Variants in KCMF1 observed in about 807,000 individuals in gnomAD.
KCMF1 encodes potassium channel modulatory factor 1, also known as E3 ubiquitin-protein ligase KCMF1.
Under a neutral mutation model 41.1 loss-of-function variants are expected in KCMF1, and 3 were observed. That is an observed-to-expected ratio of 0.07 (90% CI 0.03 to 0.19). The LOEUF is 0.19. KCMF1 is among the 10% of genes least tolerant of loss of function. KCMF1 has a pLI of 1.00. For synonymous variants in KCMF1, 142 were observed against 164.5 expected, an observed-to-expected ratio of 0.86 and a Z score of 1.04; for missense variants, 286 against 488.9, an observed-to-expected ratio of 0.58 and a Z score of 3.91.
At chr2:85,008,123 C>A (rs772671970) in intron 1 of KCMF1, among the ~76,000 whole-genome samples, 1 of 150,818 alleles carries the variant, frequency 6.6e-6, no homozygotes, top group Non-Finnish European at 1.5e-5. Flanking sequence ...AACCTCTGTT[C>A]CTAGAGGAAT....
intron 1 of KCMF1, among the ~76,000 whole-genome samples, chr2:85,015,103 G>A (rs1318437241): frequency 2.1e-5 from 3 of 143,308 alleles, no homozygotes; most frequent in African/African-American, 5.2e-5. Context: ...GCAGTGAGCC[G>A]AGATCGCGCC....
intron 2 of KCMF1, among the ~76,000 whole-genome samples, chr2:85,028,824 C>G (rs148184677): frequency 6.6e-6 from 1 of 152,164 alleles, no homozygotes; most frequent in East Asian, 1.9e-4. Flanking sequence ...GTCTGTTCAT[C>G]TTAATCATAG....
At position 85,055,474 on chromosome 2, in the gene KCMF1, G is replaced by A. The variant is rs1675904733; in HGVS notation, c.*2065G>A. The A allele has an allele frequency of 6.6e-6, 1 of 152,074 alleles. No individual in the cohort carries two copies. The highest frequency in any genetic ancestry group is 2.1e-4 in the South Asian group (1 of 4,832). 9.4% of individuals were successfully genotyped at this position (152,074 alleles called of 1,614,324 possible). A position where few individuals can be genotyped will look rare whatever the true frequency, so the allele number is the denominator to read the frequency against. ...CTTCATTTTTTAACATGGTTTTAGG[G>A]AACAACTGTAAGTCCATTCAGAGCA... is the stretch of plus-strand genomic sequence containing the variant. On this transcript the variant is annotated 3_prime_UTR_variant, in exon 7 of 7. Transcript: ENST00000409785.
In KCMF1 at chr2:85,046,191, C is replaced by T. The variant is rs1439554274; in HGVS notation, c.514C>T (p.His172Tyr). Residue 172 changes from histidine (H) to tyrosine (Y), a missense_variant, in exon 5 of 7, where the codon CAC becomes TAC. Physicochemically the swap from His to Tyr is moderately conservative, Grantham distance 83. Coordinates refer to ENST00000409785, the MANE Select transcript of KCMF1 (RefSeq NM_020122.5). ...TCCTCGTGCTCGTAGATCAAACATG[C>T]ACTTTACTAGCAGTTCTACTGGTGG... The part of the protein sequence containing the change: ...GGPRARRSNM[H>Y]FTSSSTGGLS... The T allele has an allele frequency of 2.5e-6, 4 of 1,613,118 alleles. No homozygotes were observed. In the South Asian group the frequency reaches 4.4e-5, roughly 18 times the overall value.
chr2:85,040,359 A>G (rs1675499003), intron 3 of KCMF1, among the ~76,000 whole-genome samples: 2 of 152,160 alleles, frequency 1.3e-5, no homozygotes. Context: ...CTGTCCTGTA[A>G]GAGATATTAG....
At chr2:85,040,698 A>G (rs879329299) in intron 3 of KCMF1, among the ~76,000 whole-genome samples, 1 of 151,578 alleles carries the variant, frequency 6.6e-6, no homozygotes, top group Non-Finnish European at 1.5e-5. Flanking sequence ...AGTTAACTTC[A>G]TGTGACCCAA....
At chr2:85,039,219 C>G (rs1472783188) in intron 3 of KCMF1, among the ~76,000 whole-genome samples, 2 of 152,166 alleles carry the variant, frequency 1.3e-5, no homozygotes, top group African/African-American at 4.8e-5. Context: ...AGAACTTTAA[C>G]TTTACCAACT....
intron 1 of KCMF1, among the ~76,000 whole-genome samples, chr2:84,988,745 C>T (rs1673964329): frequency 6.6e-6 from 1 of 152,212 alleles, no homozygotes; most frequent in Non-Finnish European, 1.5e-5. Flanking sequence ...TTTAATCAAA[C>T]TCTATCACAG....
At chr2:84,995,008 C>T (rs964985479) in intron 1 of KCMF1, among the ~76,000 whole-genome samples, 76 of 151,608 alleles carry the variant, frequency 5.0e-4, no homozygotes, top group African/African-American at 1.8e-3. Flanking sequence ...GAGCCTTTTT[C>T]GAAATTTAAA....
At chr2:84,982,384 A>ATTTTTTT (rs1673783250) in intron 1 of KCMF1, among the ~76,000 whole-genome samples, 1 of 35,878 alleles carries the variant, frequency 2.8e-5, no homozygotes, top group African/African-American at 1.1e-4. Context: ...TGTGTTCCTT[A>ATTTTTTT]TTTTCTTTTT....
At chr2:85,013,784 C>T (rs867997938) in intron 1 of KCMF1, among the ~76,000 whole-genome samples, 12 of 142,816 alleles carry the variant, frequency 8.4e-5, no homozygotes, top group African/African-American at 3.2e-4. Flanking sequence ...GGCGACAGAG[C>T]GAGACTCTGT....
At position 85,028,055 on chromosome 2, in the gene KCMF1, T is replaced by C. The variant is rs769569674; in HGVS notation, c.183T>C (p.Phe61=). 2.6e-6 allele frequency: 4 copies of C among 1,562,160 alleles called. No individual in the cohort carries two copies. Among genetic ancestry groups the C allele is most frequent in the Non-Finnish European group, 3.5e-6 (4 of 1,155,432 alleles). ...PMQCILTRVD[F]DLYYGGEAFS... ...AGTGCATATTAACAAGGGTAGATTT[T>C]GGTAAGTAATTAAAAATTTAATGAA... The change falls in exon 2 of 7, where the codon TTT becomes TTC. Residue 61 remains phenylalanine, a splice_region_variant and synonymous_variant. Transcript: ENST00000409785.
chr2:85,053,085 A>G, intron 6 of KCMF1, 63 bp from the exon 7 acceptor site: 1 of 1,459,804 alleles, frequency 6.9e-7, no homozygotes, highest in South Asian at 1.3e-5. Context: ...CACTGTAGAA[A>G]TTGGCCATGC....
chr2:84,971,531 C>A, intron 1 of KCMF1, 64 bp downstream of exon 1: 2 of 991,606 alleles, frequency 2.0e-6, no homozygotes, highest in Non-Finnish European at 1.3e-6. Flanking sequence ...CCGGGCCGGG[C>A]GCGGCGGAGG....
At chr2:85,040,793 C>A (rs973522883) in intron 3 of KCMF1, among the ~76,000 whole-genome samples, 3 of 147,408 alleles carry the variant, frequency 2.0e-5, no homozygotes, top group Admixed American at 6.9e-5. Context: ...GAGATGGAGT[C>A]TCTGTCGCTC....
At chr2:84,994,433 C>T (rs909083889) in intron 1 of KCMF1, among the ~76,000 whole-genome samples, 3 of 150,702 alleles carry the variant, frequency 2.0e-5, no homozygotes, top group Non-Finnish European at 1.5e-5. Context: ...GACGGAGGTT[C>T]GCTTTTGTTG....
At chr2:84,986,343 T>C (rs532486816) in intron 1 of KCMF1, among the ~76,000 whole-genome samples, 60 of 152,156 alleles carry the variant, frequency 3.9e-4, no homozygotes, top group Non-Finnish European at 7.2e-4. Context: ...TGAGGTGTTA[T>C]TTGGGTGTCA....
chr2:85,004,998 C>T (rs1674433209), intron 1 of KCMF1, among the ~76,000 whole-genome samples: 1 of 151,998 alleles, frequency 6.6e-6, no homozygotes, highest in East Asian at 1.9e-4. Flanking sequence ...CCTCCGCCTC[C>T]CAGGTTCAAG....
chr2:84,982,881 A>G (rs1199845713), intron 1 of KCMF1, among the ~76,000 whole-genome samples: 1 of 152,252 alleles, frequency 6.6e-6, no homozygotes, highest in Non-Finnish European at 1.5e-5. Flanking sequence ...ATGGCTATAC[A>G]TATGAATATA....
Sources: allele counts gnomAD v4.1 joint callset (sites outside exome capture counted in the v4.1 genomes callset), GRCh38; gene constraint gnomAD v4.1.1; transcripts MANE v1.5; gene names NCBI Gene and HGNC (gene_info 2026-07-23, HGNC 2026-07-21).